Variants in ZNF670 observed in about 807,000 individuals in gnomAD.
ZNF670 encodes zinc finger protein 670.
Under a neutral mutation model 10.9 loss-of-function variants are expected in ZNF670, and 7 were observed. That is an observed-to-expected ratio of 0.64 (90% CI 0.36 to 1.20). The LOEUF (loss-of-function observed/expected upper bound fraction) is 1.20. Among genes scored for constraint, ZNF670 ranks in the 50% most tolerant of loss-of-function variants. The pLI is 0.02. For missense variants in ZNF670, 446 were observed against 458.6 expected (o/e 0.97, Z 0.25); for synonymous variants, 136 against 152.7 (o/e 0.89, Z 0.81).
At chr1:247,050,403 TAGGTTTATGTGAGTCCTTATGTGTC>T (rs1481168933) in intron 1 of ZNF670, among the ~76,000 whole-genome samples, 1 of 152,126 alleles carries the variant, frequency 6.6e-6, no homozygotes, top group Non-Finnish European at 1.5e-5. Context: ...CTCTTTACCT[TAGGTTTATGTGAGTCCTTATGTGTC>T]AGGTGAGTCT....
intron 1 of ZNF670, among the ~76,000 whole-genome samples, chr1:247,054,164 A>G (rs1374084844): frequency 6.6e-6 from 1 of 152,160 alleles, no homozygotes; most frequent in East Asian, 1.9e-4. Context: ...CAGTGGTTGG[A>G]ATTTGAGTTC....
At position 247,036,281 on chromosome 1, in the gene ZNF670, TTGA is replaced by T. The variant is rs1670148771; in HGVS notation, c.*1165_*1167del. On this transcript the variant is annotated 3_prime_UTR_variant, in exon 4 of 4. Coordinates refer to ENST00000366503, the MANE Select transcript of ZNF670 (RefSeq NM_033213.5). ...TATTTATGAAAAATCCACAATATAC[TTGA>T]TGGTGAGACTGAATGCTTTCACACG... Among the ~76,000 whole-genome samples, 1 of 152,280 alleles carries T rather than the reference TTGA, an allele frequency of 6.6e-6. No individual in the cohort carries two copies. The highest frequency in any genetic ancestry group is 2.4e-5 in the African/African-American group (1 of 41,544).
intron 1 of ZNF670, among the ~76,000 whole-genome samples, chr1:247,054,082 C>G (rs558160010): frequency 6.6e-6 from 1 of 152,194 alleles, no homozygotes; most frequent in African/African-American, 2.4e-5. Flanking sequence ...GCTGCCAACA[C>G]CAGGCAGAAC....
Position 247,035,328 on chromosome 1 carries a change from G to T in ZNF670, c.*2121C>A, listed in dbSNP as rs545326285. On this transcript the variant is annotated 3_prime_UTR_variant, in exon 4 of 4. Coordinates refer to ENST00000366503, the MANE Select transcript of ZNF670 (RefSeq NM_033213.5). Reference sequence around the variant, plus strand: ...CATACATTCATAGACAAAAAAGGGAGGGTTCTGTAAACGAGGCTGGTCCAC... The same window carrying T: ...CATACATTCATAGACAAAAAAGGGATGGTTCTGTAAACGAGGCTGGTCCAC... 6.6e-6 allele frequency among the ~76,000 whole-genome samples: 1 copy of T among 152,278 alleles called. No individual in the cohort carries two copies. Among genetic ancestry groups the T allele is most frequent in the East Asian group, 1.9e-4 (1 of 5,178 alleles).
intron 1 of ZNF670, among the ~76,000 whole-genome samples, chr1:247,046,713 G>A (rs989656507): frequency 2.6e-5 from 4 of 152,132 alleles, no homozygotes; most frequent in Non-Finnish European, 4.4e-5. Flanking sequence ...ACTGCCTAGC[G>A]GAGCTGTGGA....
intron 1 of ZNF670, among the ~76,000 whole-genome samples, chr1:247,049,083 C>T (rs1670528273): frequency 6.6e-6 from 1 of 151,220 alleles, no homozygotes; most frequent in Admixed American, 6.6e-5. Context: ...GTTTGTAATA[C>T]CTCCTGTTTC....
At position 247,038,524 on chromosome 1, in the gene ZNF670, T is replaced by C. The variant is rs563180848; in HGVS notation, c.192-97A>G. 4.5e-5 allele frequency: 58 copies of C among 1,274,988 alleles called. No individual in the cohort carries two copies. In the African/African-American group the frequency reaches 8.1e-4, roughly 18 times the overall value. The allele number at this position is 1,274,988 out of a possible 1,614,324, so 79.0% of individuals were successfully genotyped here. Reference sequence around the variant, plus strand: ...TGCAAGTTTCCTGCCATATCTAAATTGTTTTAAAGTAAATAAATTAATTAC... The same window carrying C: ...TGCAAGTTTCCTGCCATATCTAAATCGTTTTAAAGTAAATAAATTAATTAC... On this transcript the variant is annotated intron_variant, in intron 3 of 3. Transcript: ENST00000366503.
At chr1:247,058,695 A>G (rs1359938912) in intron 1 of ZNF670, among the ~76,000 whole-genome samples, 1 of 146,586 alleles carries the variant, frequency 6.8e-6, no homozygotes, top group African/African-American at 2.6e-5. Context: ...ATTACTACTA[A>G]TCCTACAGAC....
intron 1 of ZNF670, chr1:247,043,980 C>A: frequency 5.2e-6 from 1 of 191,418 alleles, no homozygotes; most frequent in African/African-American, 2.4e-5. Context: ...GGGTAAACAC[C>A]GAAAAAGAGA....
intron 1 of ZNF670, chr1:247,043,657 G>A (rs995135652): frequency 2.1e-5 from 11 of 529,302 alleles, no homozygotes; most frequent in African/African-American, 1.9e-4. Context: ...TGCAGTGGGA[G>A]ATTATGCTCC....
chr1:247,075,113 G>A (rs767162002), intron 1 of ZNF670, among the ~76,000 whole-genome samples: 7 of 152,088 alleles, frequency 4.6e-5, no homozygotes, highest in East Asian at 3.9e-4. Flanking sequence ...AGGCACTTAC[G>A]TTTAATACCT....
chr1:247,039,403 A>G lies in ZNF670; in HGVS notation c.130+8T>C. ...ATCAACTACGTGAATAAGTGTTGTT[A>G]TTCTTACCTACAGAAGCCAGGTTCC... On this transcript the variant is annotated splice_region_variant and intron_variant, in intron 2 of 3. Coordinates refer to ENST00000366503, the MANE Select transcript of ZNF670 (RefSeq NM_033213.5). The G allele has an allele frequency of 1.9e-6, 3 of 1,602,610 alleles. No homozygotes were observed. Among genetic ancestry groups the G allele is most frequent in the Non-Finnish European group, 2.6e-6 (3 of 1,175,998 alleles).
At position 247,052,472 on chromosome 1, in the gene ZNF670, C is replaced by T. The variant is rs537648048; in HGVS notation, c.4-12935G>A. On this transcript the variant is annotated intron_variant, in intron 1 of 3. Coordinates refer to ENST00000366503, the MANE Select transcript of ZNF670 (RefSeq NM_033213.5). Reference sequence around the variant, plus strand: ...AGGTCTCTTGGCCTGGATACCAATACCTGCTTCATTGGATGTAGCAGGGGA... The same window carrying T: ...AGGTCTCTTGGCCTGGATACCAATATCTGCTTCATTGGATGTAGCAGGGGA... Among the ~76,000 whole-genome samples, 6 of 152,282 alleles carry T rather than the reference C, an allele frequency of 3.9e-5. No individual in the cohort carries two copies. In the South Asian group the frequency reaches 1.2e-3, roughly 32 times the overall value.
At chr1:247,058,614 C>G (rs1420431452) in intron 1 of ZNF670, among the ~76,000 whole-genome samples, 1 of 150,808 alleles carries the variant, frequency 6.6e-6, no homozygotes, top group Non-Finnish European at 1.5e-5. Context: ...ATTGATAAAC[C>G]TATAGCCAGA....
At chr1:247,048,870 T>C (rs770330236) in intron 1 of ZNF670, among the ~76,000 whole-genome samples, 4 of 152,136 alleles carry the variant, frequency 2.6e-5, no homozygotes, top group Admixed American at 6.5e-5. Context: ...AGGTGAGACA[T>C]TGGGTGGGGA....
chr1:247,041,119 C>T (rs1253885564), intron 1 of ZNF670, among the ~76,000 whole-genome samples: 2 of 152,188 alleles, frequency 1.3e-5, no homozygotes, highest in Non-Finnish European at 2.9e-5. Flanking sequence ...TTGCATTCCC[C>T]TCTATTCCAT....
rs549113619 is a variant in ZNF670, at chr1:247,074,419, T to C, written c.3+4175A>G. 2.1e-3 allele frequency among the ~76,000 whole-genome samples: 312 copies of C among 152,096 alleles called. 1 individual carries two copies. Among genetic ancestry groups the C allele is most frequent in the Non-Finnish European group, 3.7e-3 (249 of 67,992 alleles). ...CTCTCCTCTTTTTTCTAATCTAGTT[T>C]GCTCCTTCCTATGAAAGAAAGCCCT... is the stretch of plus-strand genomic sequence containing the variant. On this transcript the variant is annotated intron_variant, in intron 1 of 3. Transcript: ENST00000366503.
chr1:247,054,360 C>A (rs919939854), intron 1 of ZNF670, among the ~76,000 whole-genome samples: 1 of 152,224 alleles, frequency 6.6e-6, no homozygotes, highest in Non-Finnish European at 1.5e-5. Flanking sequence ...CCTCCTTCAA[C>A]CTCAAACAGC....
chr1:247,056,134 A>G (rs1410943820), intron 1 of ZNF670, among the ~76,000 whole-genome samples: 1 of 151,582 alleles, frequency 6.6e-6, no homozygotes, highest in Non-Finnish European at 1.5e-5. Context: ...AAAAAAAATC[A>G]ATAATGAAAA....
Sources: gnomAD v4.1 joint callset for allele counts (sites outside exome capture counted in the v4.1 genomes callset) on GRCh38, gnomAD v4.1.1 for gene constraint, MANE v1.5 for transcripts, NCBI Gene and HGNC (gene_info 2026-07-23, HGNC 2026-07-21) for gene names.